The following PRKG1 variants were observed in gnomAD, a reference collection of about 807,000 sequenced individuals.
PRKG1 encodes cGMP-dependent protein kinase 1.
Under a neutral mutation model 88.1 loss-of-function variants are expected in PRKG1, and 35 were observed. That is an observed-to-expected ratio of 0.40 (90% CI 0.30 to 0.53). The LOEUF (loss-of-function observed/expected upper bound fraction) is 0.53. PRKG1 is among the 20% of genes least tolerant of loss of function. PRKG1 has a pLI of 0.59. For synonymous variants in PRKG1, 303 were observed against 292.5 expected, an observed-to-expected ratio of 1.04 and a Z score of -0.37; for missense variants, 540 against 839.8, an observed-to-expected ratio of 0.64 and a Z score of 4.41.
intron 7 of PRKG1, among the ~76,000 whole-genome samples, chr10:52,093,597 A>G (rs1336112863): frequency 6.6e-6 from 1 of 152,206 alleles, no homozygotes; most frequent in Non-Finnish European, 1.5e-5. Context: ...ATGACAGGCA[A>G]TTATCTGATT....
intron 3 of PRKG1, among the ~76,000 whole-genome samples, chr10:51,499,975 G>T (rs554650544): frequency 1.3e-5 from 2 of 151,920 alleles, no homozygotes; most frequent in Non-Finnish European, 1.5e-5. Flanking sequence ...AAAAAGAAAA[G>T]AAAACAACAA....
chr10:51,481,437 C>T (rs751387381), intron 3 of PRKG1, among the ~76,000 whole-genome samples: 132 of 152,106 alleles, frequency 8.7e-4, no homozygotes, highest in Non-Finnish European at 1.4e-3. Context: ...TTTGTAAAGA[C>T]AAGGTTTCGC....
intron 5 of PRKG1, among the ~76,000 whole-genome samples, chr10:51,921,228 A>G (rs1842456605): frequency 6.6e-6 from 1 of 152,128 alleles, no homozygotes; most frequent in South Asian, 2.1e-4. Flanking sequence ...ATGCGAGTAT[A>G]TAGGAAATCA....
At chr10:51,748,759 C>G (rs1837643191) in intron 3 of PRKG1, among the ~76,000 whole-genome samples, 2 of 152,150 alleles carry the variant, frequency 1.3e-5, no homozygotes, top group Admixed American at 1.3e-4. Context: ...TTTGAGGTAT[C>G]TTTATGCAGA....
intron 2 of PRKG1, among the ~76,000 whole-genome samples, chr10:51,433,144 G>A (rs1838818005): frequency 6.6e-6 from 1 of 152,084 alleles, no homozygotes; most frequent in Admixed American, 6.6e-5. Flanking sequence ...TGGTTGGGGA[G>A]GGAGTCTGAA....
rs752734995 is a variant in PRKG1, at chr10:51,602,780, G to GTA, written c.592+134950_592+134951dup. On this transcript the variant is annotated intron_variant, in intron 3 of 17. Transcript: ENST00000373980. Reference sequence around the variant, plus strand: ...TGTGTGTGTGTGTGTGTGTGTGTGTGTATATATTCATATATATATTAATTT... The same window carrying GTA: ...TGTGTGTGTGTGTGTGTGTGTGTGTGTATATATATTCATATATATATTAATTT... Among the ~76,000 whole-genome samples the GTA allele has an allele frequency of 7.9e-3, 1,003 of 126,474 alleles. 13 individuals carry two copies. The highest frequency in any genetic ancestry group is 0.026 in the Middle Eastern group (7 of 268). The allele number at this position is 126,474 out of a possible 152,430, so 83.0% of individuals were successfully genotyped here.
intron 2 of PRKG1, among the ~76,000 whole-genome samples, chr10:51,163,868 C>T (rs975196685): frequency 2.6e-4 from 39 of 152,312 alleles, no homozygotes; most frequent in East Asian, 1.2e-3. Flanking sequence ...TGCCCAGGCT[C>T]GCTTAGGTAA....
At chr10:51,239,155 T>C (rs776623704) in intron 2 of PRKG1, among the ~76,000 whole-genome samples, 38 of 152,176 alleles carry the variant, frequency 2.5e-4, no homozygotes, top group Non-Finnish European at 4.3e-4. Flanking sequence ...AGTTCTGTTC[T>C]TAGCTAAATA....
chr10:51,244,308 C>CTTTTTTTTTTTTTTTTT (rs76339310), intron 2 of PRKG1, among the ~76,000 whole-genome samples: 2 of 136,678 alleles, frequency 1.5e-5, no homozygotes, highest in Non-Finnish European at 3.2e-5. Flanking sequence ...CCCTTTCTTC[C>CTTTTTTTTTTTTTTTTT]TTTTTTTTTT....
chr10:52,043,849 G>GAAAAAAATTT (rs1309859059), intron 5 of PRKG1, among the ~76,000 whole-genome samples: 1 of 88,556 alleles, frequency 1.1e-5, no homozygotes, highest in African/African-American at 3.8e-5. Context: ...AAAAAATTTT[G>GAAAAAAATTT]GAAAAAAAAA....
At chr10:52,135,000 G>T (rs1355602332) in intron 8 of PRKG1, among the ~76,000 whole-genome samples, 1 of 152,072 alleles carries the variant, frequency 6.6e-6, no homozygotes, top group Non-Finnish European at 1.5e-5. Flanking sequence ...AATCTCCCAT[G>T]TGCAAAGCAT....
rs1842206510 is a variant in PRKG1 at position 52,290,073 on chromosome 10, AG to A, written c.1896-149del. 4 of 577,910 alleles carry A rather than the reference AG, an allele frequency of 6.9e-6. No individual in the cohort carries two copies. In the South Asian group the frequency reaches 1.2e-4, roughly 17 times the overall value. 35.8% of individuals were successfully genotyped at this position (577,910 alleles called of 1,614,324 possible). A position where few individuals can be genotyped will look rare whatever the true frequency, so the allele number is the denominator to read the frequency against. ...TATGTATTTCATAAAATAAACTATT[AG>A]GAAAACATATGCAATTAAATAGAAA... On this transcript the variant is annotated intron_variant, in intron 16 of 17. Coordinates refer to ENST00000373980, the MANE Select transcript of PRKG1 (RefSeq NM_006258.4).
chr10:51,504,669 C>T (rs1841141675), intron 3 of PRKG1, among the ~76,000 whole-genome samples: 1 of 152,106 alleles, frequency 6.6e-6, no homozygotes. Flanking sequence ...TGTAGTTCTC[C>T]TTGAAGAGGT....
intron 2 of PRKG1, among the ~76,000 whole-genome samples, chr10:51,282,906 G>C (rs73331908): frequency 6.6e-5 from 10 of 151,960 alleles, no homozygotes; most frequent in Non-Finnish European, 1.3e-4. Flanking sequence ...TTGTTACATG[G>C]GTATGTTGTG....
intron 3 of PRKG1, among the ~76,000 whole-genome samples, chr10:51,637,903 G>T (rs1036345358): frequency 6.6e-6 from 1 of 152,142 alleles, no homozygotes; most frequent in Non-Finnish European, 1.5e-5. Flanking sequence ...TGCACATCCT[G>T]CATGTGTATC....
intron 3 of PRKG1, among the ~76,000 whole-genome samples, chr10:51,802,822 C>T (rs370122536): frequency 1.3e-5 from 2 of 152,046 alleles, no homozygotes; most frequent in African/African-American, 2.4e-5. Flanking sequence ...GCTTGAGGTG[C>T]GAACTCAGAC....
chr10:51,145,018 A>G (rs983193633), intron 1 of PRKG1, among the ~76,000 whole-genome samples: 2 of 91,926 alleles, frequency 2.2e-5, no homozygotes, highest in African/African-American at 7.4e-5. Flanking sequence ...GATTAAGTCA[A>G]CAAGCATCTT....
chr10:52,109,798 T>A (rs1383184139), intron 7 of PRKG1, among the ~76,000 whole-genome samples: 1 of 151,046 alleles, frequency 6.6e-6, no homozygotes, highest in Admixed American at 6.6e-5. Context: ...ACTTTATGTG[T>A]TAAAAACAAT....
rs1297844879 is a variant in PRKG1 at position 52,177,213 on chromosome 10, T to C, written c.1076+15250T>C. Reference sequence around the variant, plus strand: ...TAACTAATTTATTGAGAGTTTATATTATGAAGGGATGTTGAATTTTCTCAC... The same window carrying C: ...TAACTAATTTATTGAGAGTTTATATCATGAAGGGATGTTGAATTTTCTCAC... On this transcript the variant is annotated intron_variant, in intron 9 of 17. Coordinates refer to ENST00000373980, the MANE Select transcript of PRKG1 (RefSeq NM_006258.4). Among the ~76,000 whole-genome samples the C allele has an allele frequency of 3.3e-5, 5 of 152,074 alleles. No homozygotes were observed. In the East Asian group the frequency reaches 9.6e-4, roughly 29 times the overall value.
Sources: allele counts gnomAD v4.1 joint callset (sites outside exome capture counted in the v4.1 genomes callset), GRCh38; gene constraint gnomAD v4.1.1; transcripts MANE v1.5; gene names NCBI Gene and HGNC (gene_info 2026-07-23, HGNC 2026-07-21).